AASDH: variants seen among roughly 807,000 people sequenced by gnomAD.
AASDH encodes beta-alanine-activating enzyme.
A neutral mutation model predicts 102.3 loss-of-function variants in AASDH; 81 were observed. The observed-to-expected ratio is 0.79, with a 90% CI of 0.66 to 0.95. AASDH has a LOEUF of 0.95. AASDH is among the 40% of genes least tolerant of loss of function. The pLI is 0.00. For missense variants in AASDH, 1,203 were observed against 1,266.2 expected (o/e 0.95, Z 0.76); for synonymous variants, 398 against 454.0 (o/e 0.88, Z 1.57).
At chr4:56,376,241 GT>G (rs1752326718) in intron 4 of AASDH, among the ~76,000 whole-genome samples, 1 of 151,854 alleles carries the variant, frequency 6.6e-6, no homozygotes, top group South Asian at 2.1e-4. Context: ...ACCCAGGCTG[GT>G]TTTGAACTCC....
At position 56,382,472 on chromosome 4, in the gene AASDH, C is replaced by A; in HGVS notation, c.351+5G>T. ...GCAAAAAACAATTGAAACATCCAGA[C>A]TTACATTAATTTGTTTTTTTTCAAC... is the stretch of plus-strand genomic sequence containing the variant. On this transcript the variant is annotated splice_donor_5th_base_variant and intron_variant, in intron 3 of 14. Coordinates refer to ENST00000205214, the MANE Select transcript of AASDH (RefSeq NM_181806.4). 1 of 1,547,980 alleles carries A rather than the reference C, an allele frequency of 6.5e-7. No individual in the cohort carries two copies. The highest frequency in any genetic ancestry group is 8.9e-7 in the Non-Finnish European group (1 of 1,128,754).
intron 7 of AASDH, 38 bp from the exon 8 acceptor site, chr4:56,354,249 A>C: frequency 6.7e-7 from 1 of 1,483,026 alleles, no homozygotes; most frequent in Non-Finnish European, 9.0e-7. Flanking sequence ...TAAAAATCCA[A>C]GGGAAATATA....
chr4:56,347,681 C>T (rs1487961399), intron 11 of AASDH, among the ~76,000 whole-genome samples: 1 of 152,110 alleles, frequency 6.6e-6, no homozygotes, highest in African/African-American at 2.4e-5. Context: ...GTGGGCAGAT[C>T]GCTTGAGCCC....
In AASDH at chr4:56,378,435, CAAT is replaced by C; in HGVS notation, c.378_380del (p.Leu127del). On this transcript the variant is annotated inframe_deletion, in exon 4 of 15. Coordinates refer to ENST00000205214, the MANE Select transcript of AASDH (RefSeq NM_181806.4). ...GTTCCACTGTAAATGTATCATAGTT[CAAT>C]AATGTTTCATGAAAAGATTTAAATT... 1.2e-6 allele frequency: 2 copies of C among 1,603,102 alleles called. No individual in the cohort carries two copies. The highest frequency in any genetic ancestry group is 1.7e-6 in the Non-Finnish European group (2 of 1,176,444).
chr4:56,381,649 T>TCTCTCA (rs3223650), intron 3 of AASDH: 2 of 142,304 alleles, frequency 1.4e-5, no homozygotes, highest in African/African-American at 5.3e-5. Context: ...TTGACACTTC[T>TCTCTCA]CACACACACA....
intron 5 of AASDH, among the ~76,000 whole-genome samples, chr4:56,366,010 A>C (rs1221615359): frequency 2.0e-5 from 3 of 152,214 alleles, no homozygotes; most frequent in Admixed American, 2.0e-4. Context: ...AGAATCAAAT[A>C]GATGCAATAA....
At chr4:56,354,649 C>G (rs532303035) in intron 7 of AASDH, 56 bp downstream of exon 7, 1 of 1,240,266 alleles carries the variant, frequency 8.1e-7, no homozygotes, top group East Asian at 2.4e-5. Flanking sequence ...ATAAAATTAA[C>G]ACATCAGATC....
intron 5 of AASDH, among the ~76,000 whole-genome samples, chr4:56,358,011 T>G (rs957817687): frequency 1.3e-5 from 2 of 152,142 alleles, no homozygotes; most frequent in African/African-American, 4.8e-5. Flanking sequence ...CTAATTTCTA[T>G]CAACAATGCT....
chr4:56,383,129 A>C (rs2030366), intron 2 of AASDH, among the ~76,000 whole-genome samples: 26,310 of 152,000 alleles, frequency 0.17, 2,652 homozygotes, highest in Admixed American at 0.31. Context: ...TTACTATGTT[A>C]AATTCTTATC....
At chr4:56,376,951 C>T (rs1258354200) in intron 4 of AASDH, among the ~76,000 whole-genome samples, 1 of 149,244 alleles carries the variant, frequency 6.7e-6, no homozygotes, top group African/African-American at 2.4e-5. Flanking sequence ...CCTGTAGTCC[C>T]AGCTACTTGG....
intron 2 of AASDH, among the ~76,000 whole-genome samples, chr4:56,383,765 A>T (rs55903333): frequency 0.085 from 12,911 of 152,210 alleles, 715 homozygotes; most frequent in East Asian, 0.25. Flanking sequence ...TTTATCTAAC[A>T]ACAAAGTGTT....
At chr4:56,356,339 C>T in intron 5 of AASDH, 1 of 1,564,718 alleles carries the variant, frequency 6.4e-7, no homozygotes. Context: ...GAGAGCCATC[C>T]CTCAATAAGC....
intron 4 of AASDH, among the ~76,000 whole-genome samples, chr4:56,374,109 G>A (rs1247493666): frequency 6.6e-6 from 1 of 152,234 alleles, no homozygotes; most frequent in Middle Eastern, 3.4e-3. Context: ...GCTGGGCGCG[G>A]TGGCTCACGC....
At chr4:56,359,713 C>G (rs567818608) in intron 5 of AASDH, among the ~76,000 whole-genome samples, 1 of 152,052 alleles carries the variant, frequency 6.6e-6, no homozygotes, top group Non-Finnish European at 1.5e-5. Context: ...CATGCACCAC[C>G]GTGCCCAGCT....
Position 56,338,292 on chromosome 4 carries a change from T to G in AASDH, c.*110A>C, listed in dbSNP as rs1747086036. 7.9e-7 allele frequency: 1 copy of G among 1,269,884 alleles called. No individual in the cohort carries two copies. Among genetic ancestry groups the G allele is most frequent in the Non-Finnish European group, 1.1e-6 (1 of 932,334 alleles). 78.7% of individuals were successfully genotyped at this position (1,269,884 alleles called of 1,614,324 possible). A position where few individuals can be genotyped will look rare whatever the true frequency, so the allele number is the denominator to read the frequency against. ...AATCAAGTGTAGACAAGTTTCCGTTTCTTAGCCAAAATATAATCTTCTTTA... is the reference window on the plus strand; with the variant it reads ...AATCAAGTGTAGACAAGTTTCCGTTGCTTAGCCAAAATATAATCTTCTTTA... On this transcript the variant is annotated 3_prime_UTR_variant, in exon 15 of 15. Coordinates refer to ENST00000205214, the MANE Select transcript of AASDH (RefSeq NM_181806.4).
chr4:56,385,779 A>ATT (rs141126360), intron 1 of AASDH, among the ~76,000 whole-genome samples: 2 of 150,924 alleles, frequency 1.3e-5, no homozygotes. Flanking sequence ...TGTTTTTGTT[A>ATT]TTTTTTTTTA....
chr4:56,380,566 T>C (rs1457942632), intron 3 of AASDH, among the ~76,000 whole-genome samples: 2 of 152,210 alleles, frequency 1.3e-5, no homozygotes, highest in African/African-American at 2.4e-5. Flanking sequence ...AAAATTCTAC[T>C]ATATCTACTA....
At chr4:56,354,250 G>A in intron 7 of AASDH, 39 bp from the exon 8 acceptor site, 10 of 1,471,328 alleles carry the variant, frequency 6.8e-6, no homozygotes, top group East Asian at 2.4e-5. Context: ...AAAAATCCAA[G>A]GGAAATATAT....
In AASDH at chr4:56,338,678, T is replaced by C. The variant is rs372355217; in HGVS notation, c.3021A>G (p.Lys1007=). The C allele has an allele frequency of 1.2e-6, 2 of 1,614,240 alleles. No homozygotes were observed. Among genetic ancestry groups the C allele is most frequent in the South Asian group, 2.2e-5 (2 of 91,086 alleles). The change falls in exon 15 of 15, where the codon AAA becomes AAG. Residue 1007 remains lysine (K), a synonymous_variant. Transcript: ENST00000205214. ...TTTCAAATTTCCACTGCAGGTGACC[T>C]TTCATGTTACAACAGTAGATAAAGC... is the stretch of plus-strand genomic sequence containing the variant. The part of the protein sequence containing the change: ...HDCFIYCCNM[K]GHLQWKFETT...
Sources: allele counts gnomAD v4.1 joint callset (sites outside exome capture counted in the v4.1 genomes callset), GRCh38; gene constraint gnomAD v4.1.1; transcripts MANE v1.5; gene names NCBI Gene and HGNC (gene_info 2026-07-23, HGNC 2026-07-21).